The following CADPS2 variants were observed in gnomAD, a reference collection of about 807,000 sequenced individuals.
The protein encoded by CADPS2 is calcium-dependent secretion activator 2.
A neutral mutation model predicts 172.5 loss-of-function variants in CADPS2; 93 were observed. The ratio of observed to expected loss-of-function variants is 0.54; its 90% confidence interval spans 0.46 to 0.64. CADPS2 has a LOEUF of 0.64. CADPS2 is among the 30% of genes least tolerant of loss of function. The pLI, the probability that CADPS2 is intolerant of heterozygous loss-of-function variation, is 0.00. For missense variants in CADPS2, 1,420 were observed against 1,565.9 expected (o/e 0.91, Z 1.57); for synonymous variants, 546 against 555.2 (o/e 0.98, Z 0.23).
chr7:122,491,301 T>A lies in CADPS2; in HGVS notation c.1651+11A>T. ...ATACATGGCAGGAAAAGTGATTCAA[T>A]TAAGATTTACCTGGGTGGGGATCGG... On this transcript the variant is annotated intron_variant, in intron 10 of 29. Transcript: ENST00000449022. The A allele has an allele frequency of 6.4e-7, 1 of 1,556,118 alleles. No homozygotes were observed. Among genetic ancestry groups the A allele is most frequent in the Non-Finnish European group, 8.8e-7 (1 of 1,139,790 alleles).
chr7:122,838,661 G>A (rs1039638047), intron 1 of CADPS2, among the ~76,000 whole-genome samples: 1 of 152,158 alleles, frequency 6.6e-6, no homozygotes, highest in Admixed American at 6.5e-5. Flanking sequence ...CAAATCATGA[G>A]TGAACTCCCA....
chr7:122,743,038 A>T (rs2092569186), intron 1 of CADPS2, among the ~76,000 whole-genome samples: 1 of 152,170 alleles, frequency 6.6e-6, no homozygotes, highest in Non-Finnish European at 1.5e-5. Context: ...TGTATTTACC[A>T]ATGAATAAAA....
intron 20 of CADPS2, among the ~76,000 whole-genome samples, chr7:122,402,794 C>G (rs2046124369): frequency 6.6e-6 from 1 of 152,146 alleles, no homozygotes. Flanking sequence ...CAGACTGATG[C>G]CGATGTAAGC....
At chr7:122,667,629 GC>G (rs1252218954) in intron 2 of CADPS2, among the ~76,000 whole-genome samples, 1 of 152,030 alleles carries the variant, frequency 6.6e-6, no homozygotes, top group African/African-American at 2.4e-5. Context: ...ATATAATAGG[GC>G]GACAGCAGCA....
intron 2 of CADPS2, among the ~76,000 whole-genome samples, chr7:122,664,690 A>G (rs1544595): frequency 0.71 from 108,412 of 152,110 alleles, 38,829 homozygotes; most frequent in Middle Eastern, 0.78. Flanking sequence ...CTATGATGTC[A>G]AAAGACTCTC....
In CADPS2 at chr7:122,387,224, C is replaced by A. The variant is rs528288641; in HGVS notation, c.3165-51G>T. 2.0e-6 allele frequency: 3 copies of A among 1,523,614 alleles called. No homozygotes were observed. The South Asian group carries it at 3.7e-5, about 19-fold the overall frequency. The allele number at this position is 1,523,614 out of a possible 1,614,324, so 94.4% of individuals were successfully genotyped here. On this transcript the variant is annotated intron_variant, in intron 23 of 29. Transcript: ENST00000449022. Reference sequence around the variant, plus strand: ...GTAAGAAATTCTGCTATACAGCTCACCTGTTTTGTAAAAAGTGAAATCAAC... The same window carrying A: ...GTAAGAAATTCTGCTATACAGCTCAACTGTTTTGTAAAAAGTGAAATCAAC...
chr7:122,450,719 G>C (rs2052978664), intron 15 of CADPS2, among the ~76,000 whole-genome samples: 3 of 151,618 alleles, frequency 2.0e-5, no homozygotes, highest in South Asian at 2.1e-4. Context: ...ATTTTTTATA[G>C]AGATGGGGTT....
intron 12 of CADPS2, chr7:122,480,226 A>G (rs1272679708): frequency 6.7e-6 from 3 of 448,158 alleles, no homozygotes; most frequent in Non-Finnish European, 1.4e-5. Flanking sequence ...TGCTTATTAG[A>G]GAAATCTATA....
chr7:122,637,171 C>CTTTTTT lies in CADPS2; in HGVS notation c.787-7849_787-7844dup, dbSNP rs71161313. 1.1e-4 allele frequency among the ~76,000 whole-genome samples: 6 copies of CTTTTTT among 53,898 alleles called. 1 individual carries two copies. The highest frequency in any genetic ancestry group is 4.3e-4 in the Admixed American group (2 of 4,600). 35.4% of individuals were successfully genotyped at this position (53,898 alleles called of 152,430 possible). On this transcript the variant is annotated intron_variant, in intron 3 of 29. Coordinates refer to ENST00000449022, the MANE Select transcript of CADPS2 (RefSeq NM_017954.11). ...CTTCTGACTGCATTATGAAATTTTG[C>CTTTTTT]TTTTTTTTTTTTTTTTTTTTTTTTT...
chr7:122,848,909 G>GAA (rs35830455), intron 1 of CADPS2, among the ~76,000 whole-genome samples: 18 of 151,832 alleles, frequency 1.2e-4, no homozygotes, highest in Non-Finnish European at 1.8e-4. Flanking sequence ...ACTTTACTAA[G>GAA]AAAAAAAATG....
Position 122,848,712 on chromosome 7 carries a change from G to A in CADPS2, c.339+37287C>T, listed in dbSNP as rs181099242. On this transcript the variant is annotated intron_variant, in intron 1 of 29. Coordinates refer to ENST00000449022, the MANE Select transcript of CADPS2 (RefSeq NM_017954.11). ...TTAAAATAAGTATTTCCATGTTAAT[G>A]GACTGTATTAGTATCTTGCATCTGT... Among the ~76,000 whole-genome samples, 429 of 152,194 alleles carry A rather than the reference G, an allele frequency of 2.8e-3. 2 individuals carry two copies. The highest frequency in any genetic ancestry group is 1.0e-2 in the African/African-American group (414 of 41,524).
Position 122,386,165 on chromosome 7 carries a change from A to T in CADPS2, c.3312+861T>A, listed in dbSNP as rs1353794819. On this transcript the variant is annotated intron_variant, in intron 24 of 29. Coordinates refer to ENST00000449022, the MANE Select transcript of CADPS2 (RefSeq NM_017954.11). ...GTAAGCTGTTAGCCTTATATATGCG[A>T]ACACAGAAGCCAAAAATCTGAAAAT... The T allele has an allele frequency of 8.1e-6, 5 of 616,744 alleles. No homozygotes were observed. The East Asian group carries it at 1.3e-4, about 16-fold the overall frequency. 38.2% of individuals were successfully genotyped at this position (616,744 alleles called of 1,614,324 possible). A position where few individuals can be genotyped will look rare whatever the true frequency, so the allele number is the denominator to read the frequency against.
At chr7:122,357,269 C>T (rs953719578) in intron 27 of CADPS2, 1 of 152,074 alleles carries the variant, frequency 6.6e-6, no homozygotes, top group Admixed American at 6.6e-5. Flanking sequence ...CGTATAGTGG[C>T]TTCAAAATTG....
intron 8 of CADPS2, among the ~76,000 whole-genome samples, chr7:122,520,909 G>A (rs1250088408): frequency 6.6e-6 from 1 of 151,932 alleles, no homozygotes; most frequent in African/African-American, 2.4e-5. Context: ...AAACATAATT[G>A]TATACAGAAG....
intron 8 of CADPS2, among the ~76,000 whole-genome samples, chr7:122,539,156 A>C (rs989756630): frequency 6.6e-6 from 1 of 152,096 alleles, no homozygotes; most frequent in Non-Finnish European, 1.5e-5. Flanking sequence ...AGACACTTAA[A>C]ACCTAATGCA....
chr7:122,801,755 A>G (rs565917288), intron 1 of CADPS2, among the ~76,000 whole-genome samples: 1 of 146,846 alleles, frequency 6.8e-6, no homozygotes, highest in South Asian at 2.2e-4. Flanking sequence ...AGCCAAGAGA[A>G]TCTTTTTTTT....
chr7:122,446,967 T>TA (rs1360828230), intron 15 of CADPS2, among the ~76,000 whole-genome samples: 6 of 151,896 alleles, frequency 4.0e-5, no homozygotes, highest in Admixed American at 2.0e-4. Flanking sequence ...CCTTTTTAAA[T>TA]TGTTTTGGGT....
At chr7:122,848,281 G>A (rs571486109) in intron 1 of CADPS2, among the ~76,000 whole-genome samples, 34 of 152,304 alleles carry the variant, frequency 2.2e-4, no homozygotes, top group Middle Eastern at 3.4e-3. Flanking sequence ...CTCTGCGACA[G>A]AGCCCACAGA....
intron 19 of CADPS2, among the ~76,000 whole-genome samples, chr7:122,410,868 A>G (rs1253053558): frequency 6.6e-6 from 1 of 152,232 alleles, no homozygotes; most frequent in Non-Finnish European, 1.5e-5. Context: ...GGTTTTATAA[A>G]CATCATCTTA....
Sources: gnomAD v4.1 joint callset for allele counts (sites outside exome capture counted in the v4.1 genomes callset) on GRCh38, gnomAD v4.1.1 for gene constraint, MANE v1.5 for transcripts, NCBI Gene and HGNC (gene_info 2026-07-23, HGNC 2026-07-21) for gene names.